The following IQSEC3 variants were observed in gnomAD, a reference collection of about 807,000 sequenced individuals.
The protein encoded by IQSEC3 is IQ motif and Sec7 domain ArfGEF 3, also known as IQ motif and SEC7 domain-containing protein 3.
IQSEC3 carries 50 observed loss-of-function variants against 105.4 expected under a neutral mutation model. The observed-to-expected ratio is 0.47, with a 90% CI of 0.38 to 0.60. The LOEUF (loss-of-function observed/expected upper bound fraction) is 0.60, where lower values mean the gene tolerates loss of function less well. Ranked by LOEUF, IQSEC3 falls within the 20% of genes least tolerant of loss-of-function variation. IQSEC3 has a pLI of 0.00. For synonymous variants in IQSEC3, 708 were observed against 746.0 expected (o/e 0.95, Z 0.83); for missense variants, 1,415 against 1,630.0 (o/e 0.87, Z 2.27).
intron 1 of IQSEC3, among the ~76,000 whole-genome samples, chr12:73,556 G>GCTAC (rs1242967916): frequency 2.0e-5 from 3 of 152,186 alleles, no homozygotes; most frequent in Admixed American, 2.0e-4. Context: ...AGTAGTCCCA[G>GCTAC]CTACTCGGGA....
At chr12:97,775 G>A (rs1864284632) in intron 1 of IQSEC3, among the ~76,000 whole-genome samples, 1 of 152,194 alleles carries the variant, frequency 6.6e-6, no homozygotes, top group African/African-American at 2.4e-5. Flanking sequence ...TCCAGCCTGG[G>A]CAACACAGCA....
chr12:91,235 T>C (rs782710686), intron 1 of IQSEC3, among the ~76,000 whole-genome samples: 1 of 152,224 alleles, frequency 6.6e-6, no homozygotes. Context: ...ACTGTGGTAC[T>C]GCACTCTTCA....
rs1017060765 is a variant in IQSEC3, at chr12:152,877, G to C, written c.2154-4148G>C. Among the ~76,000 whole-genome samples, 1 of 152,144 alleles carries C rather than the reference G, an allele frequency of 6.6e-6. No homozygotes were observed. Among genetic ancestry groups the C allele is most frequent in the African/African-American group, 2.4e-5 (1 of 41,426 alleles). On this transcript the variant is annotated intron_variant, in intron 5 of 13. Coordinates refer to ENST00000538872, the MANE Select transcript of IQSEC3 (RefSeq NM_001170738.2). The surrounding 1 kb of genome is among the most constrained non-coding windows in gnomAD (Gnocchi z 4.8). ...TGATACACCAGAAAAGACCACCCGG[G>C]AATGTGTGGTGCTCTTTACCTTAAA...
chr12:71,309 T>C (rs1420177322), intron 1 of IQSEC3, among the ~76,000 whole-genome samples: 1 of 152,286 alleles, frequency 6.6e-6, no homozygotes, highest in African/African-American at 2.4e-5. Context: ...CAGTCAACTA[T>C]ATGTATCAAG....
intron 5 of IQSEC3, among the ~76,000 whole-genome samples, chr12:150,164 A>G (rs564997835): frequency 2.0e-5 from 3 of 152,286 alleles, no homozygotes; most frequent in East Asian, 3.9e-4. Flanking sequence ...GCCATGGCCC[A>G]CGTGGGAGGG....
At chr12:91,960 T>C (rs1241459021) in intron 1 of IQSEC3, among the ~76,000 whole-genome samples, 1 of 152,142 alleles carries the variant, frequency 6.6e-6, no homozygotes, top group African/African-American at 2.4e-5. Flanking sequence ...CACAGCCTCC[T>C]ACCCTGGTCC....
chr12:107,006 G>A (rs1555078074), intron 2 of IQSEC3: 1 of 152,190 alleles, frequency 6.6e-6, no homozygotes, highest in African/African-American at 2.4e-5. Flanking sequence ...AGAGACCATG[G>A]AATGGCTTAA....
intron 9 of IQSEC3, among the ~76,000 whole-genome samples, chr12:164,417 C>A (rs546444495): frequency 1.3e-5 from 2 of 152,262 alleles, no homozygotes; most frequent in East Asian, 3.9e-4. Context: ...TTTCCCTAAC[C>A]TGCCTCCCCG....
At chr12:78,108 C>T (rs1473703500) in intron 1 of IQSEC3, among the ~76,000 whole-genome samples, 1 of 150,970 alleles carries the variant, frequency 6.6e-6, no homozygotes. Context: ...AAGCGCGGCC[C>T]GGGCGCCCCC....
At chr12:79,998 T>C (rs1863690501) in intron 1 of IQSEC3, among the ~76,000 whole-genome samples, 1 of 152,234 alleles carries the variant, frequency 6.6e-6, no homozygotes, top group South Asian at 2.1e-4. Context: ...TAAAAAGAGC[T>C]GCCGCGTTCT....
At chr12:67,736 GT>G (rs1668452197) in intron 1 of IQSEC3, among the ~76,000 whole-genome samples, 1 of 142,924 alleles carries the variant, frequency 7.0e-6, no homozygotes. Context: ...TTTAAACGGG[GT>G]TAGGCTGGGT....
Position 124,296 on chromosome 12 carries a change from G to A in IQSEC3, c.624-1337G>A, listed in dbSNP as rs559283449. 4.6e-4 allele frequency among the ~76,000 whole-genome samples: 70 copies of A among 151,158 alleles called. 1 individual carries two copies. The highest frequency in any genetic ancestry group is 1.6e-3 in the African/African-American group (64 of 41,116). On this transcript the variant is annotated intron_variant, in intron 2 of 13. Coordinates refer to ENST00000538872, the MANE Select transcript of IQSEC3 (RefSeq NM_001170738.2). Reference sequence around the variant, plus strand: ...CCCAGCCACTCGGGAAGCTGAGGCAGGAGAATCACTTGAATCCAGGAGGTG... The same window carrying A: ...CCCAGCCACTCGGGAAGCTGAGGCAAGAGAATCACTTGAATCCAGGAGGTG...
At chr12:125,463 C>T (rs1385876167) in intron 2 of IQSEC3, among the ~76,000 whole-genome samples, 170 bp from the exon 3 acceptor site, 2 of 152,172 alleles carry the variant, frequency 1.3e-5, no homozygotes, top group African/African-American at 4.8e-5. Flanking sequence ...GCCCAGGGCT[C>T]ATCCCTGCCA....
chr12:120,895 T>C (rs1378583900), intron 2 of IQSEC3, among the ~76,000 whole-genome samples: 1 of 152,200 alleles, frequency 6.6e-6, no homozygotes, highest in African/African-American at 2.4e-5. Flanking sequence ...CGTTCTACTT[T>C]TGGCTTCTCA....
At chr12:80,001 C>T (rs1318928697) in intron 1 of IQSEC3, among the ~76,000 whole-genome samples, 4 of 152,034 alleles carry the variant, frequency 2.6e-5, no homozygotes, top group African/African-American at 4.8e-5. Context: ...AAAGAGCTGC[C>T]GCGTTCTTTT....
intron 3 of IQSEC3, among the ~76,000 whole-genome samples, chr12:133,990 G>A (rs1014560405): frequency 1.3e-5 from 2 of 152,244 alleles, no homozygotes; most frequent in Admixed American, 1.3e-4. Flanking sequence ...GTGCCCCAGC[G>A]GCAGCGGAGT....
At chr12:69,209 C>T (rs1368045640) in intron 1 of IQSEC3, among the ~76,000 whole-genome samples, 9 of 152,284 alleles carry the variant, frequency 5.9e-5, no homozygotes, top group Non-Finnish European at 1.0e-4. Context: ...TGCAACTCCA[C>T]TTTCTTTGCA....
rs990547396 is a variant in IQSEC3 at position 125,781 on chromosome 12, G to A, written c.772G>A (p.Ala258Thr). ...GGAGGAGCGGCCGGGGGCAGGGGCT[G>A]CCTCCCCAAGGGCTGGCCCCCAGCA... ...EEEERPGAGA[A>T]SPRAGPQHKA... Residue 258 changes from alanine (A) to threonine (T), a missense_variant, in exon 3 of 14, where the codon GCC becomes ACC. Ala to Thr is a moderately conservative substitution (Grantham distance 58). Transcript: ENST00000538872. The A allele has an allele frequency of 4.0e-6, 6 of 1,514,372 alleles. No individual in the cohort carries two copies. Among genetic ancestry groups the A allele is most frequent in the African/African-American group, 1.4e-5 (1 of 71,670 alleles). The allele number at this position is 1,514,372 out of a possible 1,614,324, so 93.8% of individuals were successfully genotyped here.
chr12:171,129 C>T lies in IQSEC3; in HGVS notation c.3082C>T (p.Leu1028Phe), dbSNP rs1938967354. 6.2e-7 allele frequency: 1 copy of T among 1,613,966 alleles called. No homozygotes were observed. The highest frequency in any genetic ancestry group is 8.5e-7 in the Non-Finnish European group (1 of 1,180,004). The stretch of plus-strand genomic sequence containing the variant: ...ATTCAAAGCCAAAAGGGAAGCCGCG[C>T]TCAGGGAGAGGCCGGCGGAGAGCAC... ...GSPTAKREAA[L>F]RERPAESTVE... The change falls in exon 13 of 14, where the codon CTC (leucine) becomes TTC (phenylalanine). Residue 1028 changes from leucine (L) to phenylalanine (F), a missense_variant. Leu to Phe is a conservative substitution (Grantham distance 22, BLOSUM62 0). Around this residue, in one of 6 missense-constraint regions of IQSEC3, gnomAD observed 419 missense variants for 436.2 expected, o/e 0.96. Coordinates refer to ENST00000538872, the MANE Select transcript of IQSEC3 (RefSeq NM_001170738.2).
Sources: allele counts gnomAD v4.1 joint callset (sites outside exome capture counted in the v4.1 genomes callset), GRCh38; gene constraint gnomAD v4.1.1; regional missense constraint gnomAD v4.1.1; non-coding constraint Gnocchi (gnomAD v3.1); transcripts MANE v1.5; gene names NCBI Gene and HGNC (gene_info 2026-07-23, HGNC 2026-07-21).